PBX3: variants seen among roughly 807,000 people sequenced by gnomAD.
PBX3 encodes the protein PBX homeobox 3.
Under a neutral mutation model 48.5 loss-of-function variants are expected in PBX3, and 14 were observed. The ratio of observed to expected loss-of-function variants is 0.29; its 90% CI spans 0.19 to 0.45. PBX3 has a LOEUF of 0.45. PBX3 is among the 20% of genes least tolerant of loss of function. PBX3 has a pLI of 1.00. For synonymous variants in PBX3, 210 were observed against 200.3 expected (o/e 1.05, Z -0.41); for missense variants, 386 against 546.7 (o/e 0.71, Z 2.93).
At chr9:125,922,555 A>C (rs1428611668) in intron 3 of PBX3, among the ~76,000 whole-genome samples, 2 of 152,188 alleles carry the variant, frequency 1.3e-5, no homozygotes, top group African/African-American at 2.4e-5. Context: ...TGGAAAACAC[A>C]AGGCAAGGAA....
At chr9:125,807,563 T>G (rs2132115385) in intron 2 of PBX3, among the ~76,000 whole-genome samples, 1 of 152,310 alleles carries the variant, frequency 6.6e-6, no homozygotes, top group South Asian at 2.1e-4. Context: ...CTAACCCCTC[T>G]AACTTGTCTA....
At chr9:125,950,804 G>A (rs1009072581) in intron 5 of PBX3, among the ~76,000 whole-genome samples, 1 of 151,970 alleles carries the variant, frequency 6.6e-6, no homozygotes, top group Admixed American at 6.6e-5. Flanking sequence ...TATTTTCTTA[G>A]AAGAGAAAAA....
chr9:125,803,861 C>G (rs1759440393), intron 2 of PBX3, among the ~76,000 whole-genome samples: 1 of 152,202 alleles, frequency 6.6e-6, no homozygotes, highest in Non-Finnish European at 1.5e-5. Flanking sequence ...CTTATGAACT[C>G]TCTGTTTGAA....
chr9:125,813,200 T>C (rs1247245225), intron 2 of PBX3, among the ~76,000 whole-genome samples: 3 of 152,166 alleles, frequency 2.0e-5, no homozygotes, highest in Non-Finnish European at 4.4e-5. Flanking sequence ...ATTTTTTCTT[T>C]ACACCACAGA....
At chr9:125,851,358 G>C (rs890768252) in intron 2 of PBX3, among the ~76,000 whole-genome samples, 13 of 152,058 alleles carry the variant, frequency 8.5e-5, no homozygotes, top group African/African-American at 3.1e-4. Flanking sequence ...CGCAGATTGT[G>C]TCCAAGGTAT....
chr9:125,861,199 G>A (rs540970504), intron 2 of PBX3, among the ~76,000 whole-genome samples: 2 of 151,998 alleles, frequency 1.3e-5, no homozygotes, highest in South Asian at 4.2e-4. Context: ...GGAGGTTGAG[G>A]TGGGAGAATC....
In PBX3 at chr9:125,782,061, T is replaced by C. The variant is rs115448016; in HGVS notation, c.274+33438T>C. 4.9e-3 allele frequency among the ~76,000 whole-genome samples: 739 copies of C among 152,308 alleles called. 8 individuals carry two copies. Among genetic ancestry groups the C allele is most frequent in the African/African-American group, 0.017 (711 of 41,554 alleles). ...GATTACAATTAATATCCTAAGTTTA[T>C]AACAATCTGGTGTATTAGTTCATTT... On this transcript the variant is annotated intron_variant, in intron 2 of 8. Transcript: ENST00000373489.
At chr9:125,964,913 G>C (rs1249197457) in intron 8 of PBX3, among the ~76,000 whole-genome samples, 1 of 152,190 alleles carries the variant, frequency 6.6e-6, no homozygotes, top group Non-Finnish European at 1.5e-5. Flanking sequence ...TAGGAGGTCC[G>C]GGTCTGGGGG....
At chr9:125,780,081 C>T (rs1837213556) in intron 2 of PBX3, among the ~76,000 whole-genome samples, 3 of 142,650 alleles carry the variant, frequency 2.1e-5, no homozygotes, top group Admixed American at 6.8e-5. Flanking sequence ...CCCCACCTCC[C>T]TCCCGGACGG....
rs147708188 is a variant in PBX3 at position 125,783,105 on chromosome 9, T to C, written c.274+34482T>C. On this transcript the variant is annotated intron_variant, in intron 2 of 8. Coordinates refer to ENST00000373489, the MANE Select transcript of PBX3 (RefSeq NM_006195.6). The stretch of plus-strand genomic sequence containing the variant: ...ATGTCTTTTATCAAATTTTGGAAGC[T>C]TTCAAAGCCAATATTTTGTCAAATA... 2.3e-3 allele frequency among the ~76,000 whole-genome samples: 357 copies of C among 152,352 alleles called. 2 individuals carry two copies. Among genetic ancestry groups the C allele is most frequent in the Admixed American group, 5.0e-3 (77 of 15,310 alleles).
At chr9:125,953,778 A>G (rs113095229) in intron 5 of PBX3, among the ~76,000 whole-genome samples, 1 of 91,816 alleles carries the variant, frequency 1.1e-5, no homozygotes, top group African/African-American at 2.7e-5. Flanking sequence ...AAAAGTCTTT[A>G]CGCATACCCA....
At chr9:125,922,065 A>G (rs1841468867) in intron 3 of PBX3, among the ~76,000 whole-genome samples, 1 of 152,194 alleles carries the variant, frequency 6.6e-6, no homozygotes, top group Non-Finnish European at 1.5e-5. Context: ...TCTTGAATCC[A>G]CAATGAAAAA....
At chr9:125,808,521 C>T (rs1471953100) in intron 2 of PBX3, among the ~76,000 whole-genome samples, 1 of 152,004 alleles carries the variant, frequency 6.6e-6, no homozygotes, top group African/African-American at 2.4e-5. Flanking sequence ...AAAAAATTAG[C>T]CAGGTGTGGT....
rs370452179 is a variant in PBX3, at chr9:125,774,214, A to G, written c.274+25591A>G. 1.4e-3 allele frequency among the ~76,000 whole-genome samples: 213 copies of G among 152,224 alleles called. 2 individuals carry two copies. The highest frequency in any genetic ancestry group is 4.6e-3 in the African/African-American group (193 of 41,530). On this transcript the variant is annotated intron_variant, in intron 2 of 8. Transcript: ENST00000373489. ...GGGGAGCTGCTACACACTTTTAACA[A>G]CCAGATCTTGTGAAAACTCTATCAT...
intron 2 of PBX3, among the ~76,000 whole-genome samples, chr9:125,807,296 G>C (rs1838153050): frequency 6.6e-6 from 1 of 151,694 alleles, no homozygotes; most frequent in South Asian, 2.1e-4. Context: ...TTGCACCACT[G>C]CATTCCACCC....
intron 2 of PBX3, among the ~76,000 whole-genome samples, chr9:125,793,366 A>AAAAAAATATATATATATAT (rs59271982): frequency 2.0e-5 from 2 of 101,978 alleles, no homozygotes; most frequent in African/African-American, 8.4e-5. Context: ...GGAAAAAAAA[A>AAAAAAATATATATATATAT]ATATATATAT....
At chr9:125,863,802 G>A (rs1427663935) in intron 2 of PBX3, among the ~76,000 whole-genome samples, 2 of 151,912 alleles carry the variant, frequency 1.3e-5, no homozygotes, top group Admixed American at 6.6e-5. Flanking sequence ...GCTTTGCCCC[G>A]TGTTTTTATT....
intron 3 of PBX3, among the ~76,000 whole-genome samples, chr9:125,927,089 A>T (rs1841594436): frequency 6.6e-6 from 1 of 152,210 alleles, no homozygotes; most frequent in South Asian, 2.1e-4. Context: ...GAGGTCATTG[A>T]CCTTCTAAAC....
At position 125,863,296 on chromosome 9, in the gene PBX3, C is replaced by T. The variant is rs532751965; in HGVS notation, c.275-52390C>T. 2.9e-4 allele frequency among the ~76,000 whole-genome samples: 44 copies of T among 150,690 alleles called. 2 individuals carry two copies. Among genetic ancestry groups the T allele is most frequent in the African/African-American group, 9.5e-4 (39 of 40,922 alleles). On this transcript the variant is annotated intron_variant, in intron 2 of 8. Transcript: ENST00000373489. ...TCAGATCACTGTAACCTCTGCCTCC[C>T]AGGTTCAAGCGATTCTCCTGCTTCA...
Sources: gnomAD v4.1 joint callset for allele counts (sites outside exome capture counted in the v4.1 genomes callset) on GRCh38, gnomAD v4.1.1 for gene constraint, MANE v1.5 for transcripts, NCBI Gene and HGNC (gene_info 2026-07-23, HGNC 2026-07-21) for gene names.